ACVR1: variants seen among roughly 807,000 people sequenced by gnomAD.
The protein encoded by ACVR1 is activin receptor type-1.
A neutral mutation model predicts 57.1 loss-of-function variants in ACVR1; 38 were observed. The observed-to-expected ratio is 0.67, with a 90% CI of 0.51 to 0.87. The LOEUF (loss-of-function observed/expected upper bound fraction) is 0.87, where lower values mean the gene tolerates loss of function less well. ACVR1 is among the 40% of genes least tolerant of loss of function. The pLI is 0.00. For synonymous variants in ACVR1, 212 were observed against 228.1 expected (o/e 0.93, Z 0.63); for missense variants, 463 against 638.2 (o/e 0.73, Z 2.96).
At chr2:157,872,647 G>C (rs1304807138) in intron 1 of ACVR1, among the ~76,000 whole-genome samples, 1 of 152,114 alleles carries the variant, frequency 6.6e-6, no homozygotes, top group African/African-American at 2.4e-5. Context: ...GGGTCTTATC[G>C]ATCAGCCAGT....
At chr2:157,833,818 T>G (rs946206187) in intron 1 of ACVR1, among the ~76,000 whole-genome samples, 1 of 152,224 alleles carries the variant, frequency 6.6e-6, no homozygotes, top group African/African-American at 2.4e-5. Context: ...TAATTTTGAA[T>G]GCGTTAAGTA....
intron 2 of ACVR1, among the ~76,000 whole-genome samples, chr2:157,817,048 T>A (rs1233747544): frequency 6.6e-6 from 1 of 152,074 alleles, no homozygotes; most frequent in African/African-American, 2.4e-5. Flanking sequence ...AAGCCTCAAC[T>A]TCCCAGATTC....
In ACVR1 at chr2:157,770,517, A is replaced by G. The variant is rs745601993; in HGVS notation, c.644-3T>C. On this transcript the variant is annotated splice_region_variant and splice_polypyrimidine_tract_variant and intron_variant, in intron 6 of 10. Coordinates refer to ENST00000434821, the MANE Select transcript of ACVR1 (RefSeq NM_001111067.4). ...CACCTCACCATACCTGCCTTTCCCT[A>G]TGAAAAGCAAAACATAGGTGACACA... 1.2e-4 allele frequency: 191 copies of G among 1,613,786 alleles called. No homozygotes were observed. Among genetic ancestry groups the G allele is most frequent in the Non-Finnish European group, 1.6e-4 (188 of 1,179,904 alleles).
Position 157,742,754 on chromosome 2 carries a change from T to C in ACVR1, c.1265-4184A>G, listed in dbSNP as rs116427412. Among the ~76,000 whole-genome samples, 1,395 of 152,218 alleles carry C rather than the reference T, an allele frequency of 9.2e-3. 17 individuals are homozygous for C. Among genetic ancestry groups the C allele is most frequent in the African/African-American group, 0.032 (1,324 of 41,516 alleles). ...CACTTTGAAAAGCATGAAACGCCAGTAGCCTCTCAAATGTCCAGAAACAAG... is the reference window on the plus strand; with the variant it reads ...CACTTTGAAAAGCATGAAACGCCAGCAGCCTCTCAAATGTCCAGAAACAAG... On this transcript the variant is annotated intron_variant, in intron 9 of 10. Transcript: ENST00000434821.
intron 8 of ACVR1, 77 bp from the exon 9 acceptor site, chr2:157,761,154 C>T: frequency 1.3e-6 from 2 of 1,485,270 alleles, no homozygotes; most frequent in East Asian, 2.4e-5. Context: ...TTAAACCAAC[C>T]CCAATCAAAA....
chr2:157,765,254 GT>G (rs1378608427), intron 8 of ACVR1, among the ~76,000 whole-genome samples: 1 of 152,208 alleles, frequency 6.6e-6, no homozygotes, highest in Non-Finnish European at 1.5e-5. Flanking sequence ...GAGTGAATCA[GT>G]TCGGGGATTA....
intron 1 of ACVR1, among the ~76,000 whole-genome samples, chr2:157,840,632 A>G (rs1688943528): frequency 6.6e-6 from 1 of 152,232 alleles, no homozygotes; most frequent in South Asian, 2.1e-4. Flanking sequence ...TTAACCTGAC[A>G]TGGCACATGT....
chr2:157,865,982 C>G (rs1055145666), intron 1 of ACVR1, among the ~76,000 whole-genome samples: 3 of 152,076 alleles, frequency 2.0e-5, no homozygotes, highest in Non-Finnish European at 4.4e-5. Flanking sequence ...AACGGTTTCA[C>G]TGTACACCCT....
chr2:157,817,236 T>C (rs1320521479), intron 2 of ACVR1, among the ~76,000 whole-genome samples: 1 of 152,196 alleles, frequency 6.6e-6, no homozygotes, highest in African/African-American at 2.4e-5. Flanking sequence ...GCACTGGGAT[T>C]AGAGGCATGA....
intron 1 of ACVR1, among the ~76,000 whole-genome samples, chr2:157,861,094 C>T (rs1238054890): frequency 1.3e-5 from 2 of 152,232 alleles, no homozygotes; most frequent in African/African-American, 2.4e-5. Context: ...CTTGAAGACA[C>T]TCAAGAACAT....
intron 5 of ACVR1, among the ~76,000 whole-genome samples, chr2:157,776,833 C>T (rs1037462950): frequency 2.0e-5 from 3 of 152,244 alleles, no homozygotes; most frequent in Non-Finnish European, 4.4e-5. Flanking sequence ...TTGAAGCTTG[C>T]TGTCTAGCAG....
rs914942419 is a variant in ACVR1 at position 157,737,663 on chromosome 2, T to A, written c.1398A>T (p.Thr466=). ...TCATTAGCTTGGCCAGAGAGGTTAA[T>A]GTCTGAGGAGAGAAAGAACAAACAC... The part of the protein sequence containing the change: ...NIPNRWFSDP[T]LTSLAKLMKE... The change falls in exon 11 of 11, where the codon ACA becomes ACT. Residue 466 remains threonine, a splice_region_variant and synonymous_variant. Coordinates refer to ENST00000434821, the MANE Select transcript of ACVR1 (RefSeq NM_001111067.4). 3.1e-6 allele frequency: 5 copies of A among 1,614,144 alleles called. No individual in the cohort carries two copies. The Admixed American group carries it at 8.3e-5, about 27-fold the overall frequency.
At chr2:157,811,943 G>C (rs996517651) in intron 2 of ACVR1, among the ~76,000 whole-genome samples, 5 of 152,208 alleles carry the variant, frequency 3.3e-5, no homozygotes, top group Non-Finnish European at 5.9e-5. Context: ...AAGTACCTAT[G>C]AAGTATTCTA....
At chr2:157,853,291 A>G (rs962432929) in intron 1 of ACVR1, among the ~76,000 whole-genome samples, 19 of 152,150 alleles carry the variant, frequency 1.2e-4, no homozygotes, top group African/African-American at 4.1e-4. Flanking sequence ...CAGGATGCCT[A>G]GTGTCAGGTT....
At position 157,760,968 on chromosome 2, in the gene ACVR1, C is replaced by T. The variant is rs1282994566; in HGVS notation, c.1176G>A (p.Gln392=). 6.2e-7 allele frequency: 1 copy of T among 1,614,124 alleles called. No individual in the cohort carries two copies. Among genetic ancestry groups the T allele is most frequent in the South Asian group, 1.1e-5 (1 of 91,088 alleles). The part of the protein sequence containing the change: ...MAPEVLDETI[Q]VDCFDSYKRV... ...TTTTATAAGAATCGAAACAATCCACCTGGATGGTTTCATCTAGAACTTCGG... is the reference window on the plus strand; with the variant it reads ...TTTTATAAGAATCGAAACAATCCACTTGGATGGTTTCATCTAGAACTTCGG... Residue 392 remains glutamine, a synonymous_variant, in exon 9 of 11, where the codon CAG becomes CAA. Coordinates refer to ENST00000434821, the MANE Select transcript of ACVR1 (RefSeq NM_001111067.4).
intron 1 of ACVR1, among the ~76,000 whole-genome samples, chr2:157,857,450 G>A (rs575575934): frequency 1.3e-4 from 20 of 151,202 alleles, no homozygotes; most frequent in African/African-American, 4.8e-4. Context: ...CCACCATAAG[G>A]AAGAAATACT....
chr2:157,738,266 G>C lies in ACVR1; in HGVS notation c.1395+174C>G, dbSNP rs142919585. On this transcript the variant is annotated intron_variant, in intron 10 of 10. Transcript: ENST00000434821. ...ATGAGATATGGCTTCTTCAAGAATGGAGTATTTTTCTGAACTTACTCTTCT... is the reference window on the plus strand; with the variant it reads ...ATGAGATATGGCTTCTTCAAGAATGCAGTATTTTTCTGAACTTACTCTTCT... Among the ~76,000 whole-genome samples the C allele has an allele frequency of 3.3e-5, 5 of 152,256 alleles. No individual in the cohort carries two copies. In the East Asian group the frequency reaches 9.6e-4, roughly 29 times the overall value.
At chr2:157,801,937 AC>A (rs1278523551) in intron 2 of ACVR1, among the ~76,000 whole-genome samples, 2 of 152,208 alleles carry the variant, frequency 1.3e-5, no homozygotes, top group African/African-American at 4.8e-5. Context: ...CATATTAGGA[AC>A]CTAAAATAGT....
At chr2:157,798,273 A>G (rs1223935541) in intron 3 of ACVR1, among the ~76,000 whole-genome samples, 1 of 152,116 alleles carries the variant, frequency 6.6e-6, no homozygotes, top group Non-Finnish European at 1.5e-5. Context: ...TAGTATATAA[A>G]TCAAGGGCCA....
Sources: allele counts gnomAD v4.1 joint callset (sites outside exome capture counted in the v4.1 genomes callset), GRCh38; gene constraint gnomAD v4.1.1; transcripts MANE v1.5; gene names NCBI Gene and HGNC (gene_info 2026-07-23, HGNC 2026-07-21).